Variants in ZSWIM4 observed in about 807,000 individuals in gnomAD.
The protein encoded by ZSWIM4 is zinc finger SWIM-type containing 4.
Under a neutral mutation model 102.5 loss-of-function variants are expected in ZSWIM4, and 62 were observed. That is an observed-to-expected ratio of 0.60 (90% confidence interval 0.49 to 0.75). ZSWIM4 has a LOEUF of 0.75. Among genes scored for constraint, ZSWIM4 ranks in the 30% least tolerant of loss-of-function variants. The pLI is 0.00. For missense variants in ZSWIM4, 1,280 were observed against 1,529.6 expected (o/e 0.84, Z 2.72); for synonymous variants, 652 against 674.5 (o/e 0.97, Z 0.52).
chr19:13,797,727 A>G (rs1361675671), intron 1 of ZSWIM4, among the ~76,000 whole-genome samples: 1 of 152,140 alleles, frequency 6.6e-6, no homozygotes, highest in East Asian at 1.9e-4. Flanking sequence ...ATCTCGGCTC[A>G]CTGTAGCCTC....
chr19:13,800,352 G>A (rs1974734893), intron 2 of ZSWIM4, among the ~76,000 whole-genome samples: 2 of 124,566 alleles, frequency 1.6e-5, no homozygotes, highest in African/African-American at 3.0e-5. Flanking sequence ...TGCAAGCTCC[G>A]CCTCCCGGGT....
Position 13,813,091 on chromosome 19 carries a change from C to T in ZSWIM4, c.1107C>T (p.Asp369=), listed in dbSNP as rs138572880. 279 of 1,613,966 alleles carry T rather than the reference C, an allele frequency of 1.7e-4. No individual in the cohort carries two copies. The African/African-American group carries it at 2.5e-3, about 14-fold the overall frequency. The change falls in exon 6 of 14, where the codon GAC becomes GAT. Residue 369 remains aspartate, a synonymous_variant. Coordinates refer to ENST00000590508, the MANE Select transcript of ZSWIM4 (RefSeq NM_001367834.3). ...LQLLSRWDKL[D]VCPLEEGNYS... ...TACTCAGCAGGTGGGACAAGCTCGA[C>T]GTCTGCCCACTGGAAGAGGGCAACT...
Position 13,832,230 on chromosome 19 carries a change from C to CAAAAAA in ZSWIM4, c.*1199_*1204dup, listed in dbSNP as rs34724629. On this transcript the variant is annotated 3_prime_UTR_variant, in exon 14 of 14. Transcript: ENST00000590508. ...CACACCCTCAACCTCGTTTCCTCCG[C>CAAAAAA]AAAAAAAAAAAAAAAAAAAAAAAAT... 627 of 55,262 alleles carry CAAAAAA rather than the reference C, an allele frequency of 0.011. 44 individuals are homozygous for CAAAAAA. The highest frequency in any genetic ancestry group is 0.044 in the African/African-American group (609 of 13,704). 3.4% of individuals were successfully genotyped at this position (55,262 alleles called of 1,614,324 possible).
chr19:13,816,725 C>G lies in ZSWIM4; in HGVS notation c.1532-491C>G, dbSNP rs1050376429. Among the ~76,000 whole-genome samples the G allele has an allele frequency of 2.8e-4, 42 of 152,276 alleles. 1 individual carries two copies. The highest frequency in any genetic ancestry group is 8.4e-4 in the African/African-American group (35 of 41,568). On this transcript the variant is annotated intron_variant, in intron 7 of 13. Transcript: ENST00000590508. ...AGAATAGAAGGAACACCATGAGCAG[C>G]AGCCAGGAGGGAAGAGAGTACGTGG...
At chr19:13,815,764 C>T (rs1849088131) in intron 7 of ZSWIM4, among the ~76,000 whole-genome samples, 1 of 151,848 alleles carries the variant, frequency 6.6e-6, no homozygotes, top group African/African-American at 2.4e-5. Flanking sequence ...GCCACCGTGC[C>T]TGGCCTACTG....
At chr19:13,828,828 C>A in intron 13 of ZSWIM4, 102 bp downstream of exon 13, 1 of 1,133,870 alleles carries the variant, frequency 8.8e-7, no homozygotes, top group Non-Finnish European at 1.3e-6. Flanking sequence ...TGGCGGGGTG[C>A]GGTGGCTCAC....
At chr19:13,801,155 G>GAAAA (rs58833466) in intron 2 of ZSWIM4, among the ~76,000 whole-genome samples, 59,040 of 139,694 alleles carry the variant, frequency 0.42, 14,246 homozygotes, top group African/African-American at 0.7. Flanking sequence ...AGAGAAAAAA[G>GAAAA]AAAAAAAAAA....
At chr19:13,804,237 G>A (rs1333122260) in intron 2 of ZSWIM4, among the ~76,000 whole-genome samples, 1 of 152,010 alleles carries the variant, frequency 6.6e-6, no homozygotes, top group Non-Finnish European at 1.5e-5. Context: ...TTGGGAGGCT[G>A]AGGCAGGCGG....
intron 10 of ZSWIM4, among the ~76,000 whole-genome samples, chr19:13,822,198 AC>A (rs1975486579): frequency 6.7e-6 from 1 of 149,068 alleles, no homozygotes; most frequent in Non-Finnish European, 1.5e-5. Flanking sequence ...ACACACACAC[AC>A]ACACACAGTT....
At chr19:13,829,407 A>G (rs1020603847) in intron 13 of ZSWIM4, among the ~76,000 whole-genome samples, 1 of 152,186 alleles carries the variant, frequency 6.6e-6, no homozygotes, top group Non-Finnish European at 1.5e-5. Context: ...CCTGGCCAAC[A>G]TGGCAAAACC....
chr19:13,813,110 G>A lies in ZSWIM4; in HGVS notation c.1126G>A (p.Gly376Ser). ...GCTCGACGTCTGCCCACTGGAAGAGGGCAACTACTCCTTCGACGGCCCCAG... is the reference window on the plus strand; with the variant it reads ...GCTCGACGTCTGCCCACTGGAAGAGAGCAACTACTCCTTCGACGGCCCCAG... ...DKLDVCPLEE[G>S]NYSFDGPSLQ... Residue 376 changes from glycine (G) to serine (S), a missense_variant, in exon 6 of 14, where the codon GGC becomes AGC. Physicochemically the swap from Gly to Ser is moderately conservative, Grantham distance 56 (BLOSUM62 0). Transcript: ENST00000590508. The A allele has an allele frequency of 6.2e-7, 1 of 1,613,946 alleles. No individual in the cohort carries two copies. The highest frequency in any genetic ancestry group is 1.1e-5 in the South Asian group (1 of 91,054).
chr19:13,829,022 T>A (rs897221573), intron 13 of ZSWIM4, among the ~76,000 whole-genome samples: 1 of 151,492 alleles, frequency 6.6e-6, no homozygotes, highest in African/African-American at 2.4e-5. Flanking sequence ...ATAGATTGCT[T>A]GAGCCCAGGA....
chr19:13,820,179 A>G (rs1975424566), intron 10 of ZSWIM4, among the ~76,000 whole-genome samples: 1 of 152,008 alleles, frequency 6.6e-6, no homozygotes, highest in African/African-American at 2.4e-5. Context: ...TTACAGGCAT[A>G]AGCCACCTCG....
rs190596504 is a variant in ZSWIM4, at chr19:13,800,170, C to T, written c.355+249C>T. 5.5e-3 allele frequency among the ~76,000 whole-genome samples: 805 copies of T among 145,112 alleles called. 5 individuals carry two copies. Among genetic ancestry groups the T allele is most frequent in the African/African-American group, 0.02 (771 of 38,064 alleles). ...GCAAGCTCCGCCTCCTGGGTTCACG[C>T]CATTCTGCCTCAGCCTCCCGAGTAG... On this transcript the variant is annotated intron_variant, in intron 2 of 13. Coordinates refer to ENST00000590508, the MANE Select transcript of ZSWIM4 (RefSeq NM_001367834.3).
At chr19:13,828,147 G>A (rs1021088178) in intron 12 of ZSWIM4, among the ~76,000 whole-genome samples, 1 of 152,090 alleles carries the variant, frequency 6.6e-6, no homozygotes, top group Non-Finnish European at 1.5e-5. Context: ...AGTGGCTCAC[G>A]CCTATAATCC....
At chr19:13,817,627 A>G in intron 8 of ZSWIM4, 95 bp from the exon 9 acceptor site, 2 of 1,469,002 alleles carry the variant, frequency 1.4e-6, no homozygotes, top group Admixed American at 2.2e-5. Context: ...TCTAAAGCCT[A>G]CCCTGCGCCC....
chr19:13,815,813 C>A (rs1975262683), intron 7 of ZSWIM4, among the ~76,000 whole-genome samples: 2 of 151,740 alleles, frequency 1.3e-5, no homozygotes, highest in Non-Finnish European at 2.9e-5. Context: ...GTGGCGCACA[C>A]CTGTATTTCC....
At chr19:13,817,611 G>A (rs1761759826) in intron 8 of ZSWIM4, 111 bp from the exon 9 acceptor site, 1 of 1,349,796 alleles carries the variant, frequency 7.4e-7, no homozygotes, top group East Asian at 2.4e-5. Flanking sequence ...GAGCTTCTGG[G>A]CTCCCTCTAA....
At chr19:13,823,702 G>A (rs893345144) in intron 11 of ZSWIM4, among the ~76,000 whole-genome samples, 1 of 152,196 alleles carries the variant, frequency 6.6e-6, no homozygotes, top group Non-Finnish European at 1.5e-5. Context: ...CCTGCCCTGT[G>A]GAATGACATT....
Sources: allele counts gnomAD v4.1 joint callset (sites outside exome capture counted in the v4.1 genomes callset), GRCh38; gene constraint gnomAD v4.1.1; transcripts MANE v1.5; gene names NCBI Gene and HGNC (gene_info 2026-07-23, HGNC 2026-07-21).